Variants in RP1 observed in about 807,000 individuals in gnomAD.
RP1 encodes RP1 axonemal microtubule associated.
In RP1, 16 loss-of-function variants were observed where a neutral mutation model predicts 14.8. That is an observed-to-expected ratio of 1.08 (90% CI 0.73 to 1.65). The LOEUF (loss-of-function observed/expected upper bound fraction) is 1.65. Ranked by LOEUF, RP1 falls within the 40% of genes most tolerant of loss-of-function variation. The probability of loss-of-function intolerance (pLI) is 0.00; values close to 1 mark genes in which losing one functional copy is unlikely to be tolerated. For missense variants in RP1, 2,631 were observed against 2,535.0 expected, an observed-to-expected ratio of 1.04 and a Z score of -0.81; for synonymous variants, 876 against 883.6, an observed-to-expected ratio of 0.99 and a Z score of 0.15.
At chr8:54,585,550 C>G (rs1585528356) in intron 1 of RP1, among the ~76,000 whole-genome samples, 1 of 152,304 alleles carries the variant, frequency 6.6e-6, no homozygotes, top group African/African-American at 2.4e-5. Context: ...GCCTGCCTTG[C>G]TAGATTGGGG....
intron 24 of RP1, among the ~76,000 whole-genome samples, chr8:54,827,898 C>CAA (rs34407193): frequency 0.31 from 46,549 of 148,318 alleles, 7,299 homozygotes; most frequent in South Asian, 0.37. Context: ...AACTACGTCT[C>CAA]AAAAAAAAAA....
chr8:54,653,947 T>G (rs991750576), intron 5 of RP1, among the ~76,000 whole-genome samples: 1 of 152,176 alleles, frequency 6.6e-6, no homozygotes, highest in African/African-American at 2.4e-5. Flanking sequence ...TTACATTCAT[T>G]ATGAACTTGG....
chr8:54,671,013 T>C (rs1252943582), intron 7 of RP1, among the ~76,000 whole-genome samples: 1 of 152,002 alleles, frequency 6.6e-6, no homozygotes, highest in East Asian at 1.9e-4. Flanking sequence ...CCTTAGCATT[T>C]CTTGTATTGT....
intron 24 of RP1, among the ~76,000 whole-genome samples, chr8:54,806,347 A>G (rs1585708284): frequency 6.6e-6 from 1 of 152,060 alleles, no homozygotes; most frequent in African/African-American, 2.4e-5. Context: ...CATAGAGTCA[A>G]CTGGAGAGTT....
At chr8:54,565,036 G>A (rs938748401) in intron 1 of RP1, among the ~76,000 whole-genome samples, 5 of 152,118 alleles carry the variant, frequency 3.3e-5, no homozygotes, top group African/African-American at 2.4e-5. Flanking sequence ...GATTATAGGC[G>A]CGAGCCACCA....
chr8:54,586,847 C>T (rs564359100), intron 1 of RP1, among the ~76,000 whole-genome samples: 18 of 152,304 alleles, frequency 1.2e-4, no homozygotes, highest in East Asian at 1.2e-3. Flanking sequence ...ATTGGAAAAG[C>T]GCAGTATTAA....
intron 3 of RP1, among the ~76,000 whole-genome samples, chr8:54,640,777 A>G (rs1194850826): frequency 6.6e-6 from 1 of 152,108 alleles, no homozygotes; most frequent in African/African-American, 2.4e-5. Flanking sequence ...GTTACCTTCC[A>G]TTAGTTCTGT....
chr8:54,587,557 C>T (rs1021960791), intron 1 of RP1, among the ~76,000 whole-genome samples: 5 of 152,076 alleles, frequency 3.3e-5, no homozygotes, highest in African/African-American at 1.2e-4. Flanking sequence ...TCTGCAGTTA[C>T]AGCTAAGAAA....
intron 19 of RP1, among the ~76,000 whole-genome samples, chr8:54,744,233 G>T (rs55642754): frequency 0.3 from 44,920 of 151,988 alleles, 8,201 homozygotes; most frequent in Middle Eastern, 0.47. Context: ...ATTAGGTGAT[G>T]TTGTGACAAG....
chr8:54,607,566 C>A lies in RP1; in HGVS notation c.-12-13389C>A, dbSNP rs1262619420. Among the ~76,000 whole-genome samples the A allele has an allele frequency of 2.0e-5, 3 of 152,278 alleles. No homozygotes were observed. In the East Asian group the frequency reaches 5.8e-4, roughly 29 times the overall value. On this transcript the variant is annotated intron_variant, in intron 1 of 22. Transcript: ENST00000636932. ...TGCTGGGAGAACCACTACTCTCTTCCAAGCTTTCAGACAGGGACATTTAAG... is the reference window on the plus strand; with the variant it reads ...TGCTGGGAGAACCACTACTCTCTTCAAAGCTTTCAGACAGGGACATTTAAG...
Position 54,628,867 on chromosome 8 carries a change from T to C in RP1, c.4985T>C (p.Val1662Ala). 3.7e-6 allele frequency: 6 copies of C among 1,614,156 alleles called. No homozygotes were observed. Among genetic ancestry groups the C allele is most frequent in the Non-Finnish European group, 5.1e-6 (6 of 1,179,988 alleles). The change falls in exon 4 of 4, where the codon GTG (valine) becomes GCG (alanine). Residue 1662 changes from valine (V) to alanine (A), a missense_variant. Coordinates refer to ENST00000220676, the MANE Select transcript of RP1 (RefSeq NM_006269.2). ...RKSQVCPYNSVEFQCSRKASL... is the reference protein window; with the variant it reads ...RKSQVCPYNSAEFQCSRKASL... ...TCTCAGGTTTGTCCTTATAATTCTGTGGAATTTCAGTGTTCCAGGAAAGCA... is the reference window on the plus strand; with the variant it reads ...TCTCAGGTTTGTCCTTATAATTCTGCGGAATTTCAGTGTTCCAGGAAAGCA...
At chr8:54,761,529 C>T (rs371414322) in intron 22 of RP1, among the ~76,000 whole-genome samples, 24 of 152,288 alleles carry the variant, frequency 1.6e-4, no homozygotes, top group African/African-American at 5.8e-4. Context: ...AGCCACCGCA[C>T]CTGGCCCCTG....
At chr8:54,605,618 T>C (rs1347547393) in intron 1 of RP1, among the ~76,000 whole-genome samples, 1 of 152,196 alleles carries the variant, frequency 6.6e-6, no homozygotes, top group Non-Finnish European at 1.5e-5. Context: ...CTCGTTGATC[T>C]GTCTAATGCT....
At chr8:54,613,168 G>T (rs952794741), upstream of RP1, among the ~76,000 whole-genome samples, 3 of 152,120 alleles carry the variant, frequency 2.0e-5, no homozygotes, top group Non-Finnish European at 2.9e-5. Context: ...ACAGGGAATG[G>T]TTTTTTAAGG....
intron 1 of RP1, among the ~76,000 whole-genome samples, chr8:54,610,304 G>A (rs1394961317): frequency 6.6e-6 from 1 of 152,062 alleles, no homozygotes; most frequent in East Asian, 1.9e-4. Context: ...GCTGGAGTTT[G>A]CTGATGGTTC....
intron 1 of RP1, among the ~76,000 whole-genome samples, chr8:54,584,819 C>A (rs983762027): frequency 6.6e-6 from 1 of 152,154 alleles, no homozygotes; most frequent in African/African-American, 2.4e-5. Flanking sequence ...ACTAAGATTG[C>A]AACCCCTGCC....
chr8:54,561,606 T>C (rs1389612304), intron 1 of RP1: 1 of 152,180 alleles, frequency 6.6e-6, no homozygotes, highest in Non-Finnish European at 1.5e-5. Context: ...AAAGTGAACA[T>C]CACAGATGGT....
chr8:54,639,486 C>A (rs928702569), intron 3 of RP1, among the ~76,000 whole-genome samples: 2 of 152,028 alleles, frequency 1.3e-5, no homozygotes, highest in Admixed American at 1.3e-4. Flanking sequence ...TGAGAAATTG[C>A]CAACTCCTTT....
chr8:54,592,740 C>A (rs751834641), intron 1 of RP1, among the ~76,000 whole-genome samples: 1 of 152,138 alleles, frequency 6.6e-6, no homozygotes, highest in Non-Finnish European at 1.5e-5. Context: ...GGACTCTTAT[C>A]TTCCTGCTTG....
Sources: gnomAD v4.1 joint callset for allele counts (sites outside exome capture counted in the v4.1 genomes callset) on GRCh38, gnomAD v4.1.1 for gene constraint, MANE v1.5 for transcripts, NCBI Gene and HGNC (gene_info 2026-07-23, HGNC 2026-07-21) for gene names.